The following CATSPERT variants were observed in gnomAD, a reference collection of about 807,000 sequenced individuals.
The protein encoded by CATSPERT is catsper channel auxiliary subunit tau, also known as cation channel sperm-associated targeting subunit tau.
chr2:201,582,024 A>C, the CATSPERT span: 9 of 1,546,446 alleles, frequency 5.8e-6, 1 homozygote, highest in Middle Eastern at 5.1e-4. Context: ...ATCAAGTATA[A>C]TAAATCACAA....
chr2:201,491,211 A>G, the CATSPERT span: 1 of 1,537,448 alleles, frequency 6.5e-7, no homozygotes, highest in Non-Finnish European at 8.7e-7. Context: ...GTGTCCTTGG[A>G]ACAGACTTCT....
the CATSPERT span, among the ~76,000 whole-genome samples, chr2:201,545,778 G>A: frequency 6.6e-6 from 1 of 151,964 alleles, no homozygotes; most frequent in Middle Eastern, 3.2e-3. Flanking sequence ...AAGGAGATGG[G>A]TTTGTGAGGA....
chr2:201,594,338 C>G, the CATSPERT span, among the ~76,000 whole-genome samples: 3 of 152,104 alleles, frequency 2.0e-5, no homozygotes, highest in Non-Finnish European at 4.4e-5. Context: ...GAGTTTCTGC[C>G]GAGAGATCCA....
chr2:201,534,971 C>T, the CATSPERT span: 1 of 369,824 alleles, frequency 2.7e-6, no homozygotes, highest in Non-Finnish European at 3.7e-6. Context: ...GATATATGTA[C>T]ATATGCATAA....
chr2:201,579,451 G>A, the CATSPERT span, among the ~76,000 whole-genome samples: 3 of 151,610 alleles, frequency 2.0e-5, no homozygotes, highest in Non-Finnish European at 2.9e-5. Flanking sequence ...TTGTTTTGCT[G>A]TTTTGTTTTG....
At chr2:201,543,551 G>A in the CATSPERT span, among the ~76,000 whole-genome samples, 1 of 152,030 alleles carries the variant, frequency 6.6e-6, no homozygotes, top group Non-Finnish European at 1.5e-5. Flanking sequence ...TTTTCAGAGT[G>A]CAAGGTCTTT....
chr2:201,602,990 T>C, the CATSPERT span, among the ~76,000 whole-genome samples: 1 of 152,166 alleles, frequency 6.6e-6, no homozygotes, highest in Non-Finnish European at 1.5e-5. Flanking sequence ...CTAAAGCAAC[T>C]AGACATGTAA....
At chr2:201,559,175 C>T in the CATSPERT span, among the ~76,000 whole-genome samples, 1 of 152,170 alleles carries the variant, frequency 6.6e-6, no homozygotes, top group South Asian at 2.1e-4. Flanking sequence ...TGGCCCTGTA[C>T]CCCCAATAAG....
chr2:201,520,453 AATCTT>A, the CATSPERT span, among the ~76,000 whole-genome samples: 1 of 152,242 alleles, frequency 6.6e-6, no homozygotes, highest in Non-Finnish European at 1.5e-5. Context: ...TCAAATTTGA[AATCTT>A]ATCTAGTCTC....
chr2:201,507,194 A>G, the CATSPERT span, among the ~76,000 whole-genome samples: 1 of 152,244 alleles, frequency 6.6e-6, no homozygotes, highest in South Asian at 2.1e-4. Context: ...AAATCAACAT[A>G]CAAATATATA....
the CATSPERT span, among the ~76,000 whole-genome samples, chr2:201,526,333 T>C: frequency 6.6e-6 from 1 of 151,712 alleles, no homozygotes; most frequent in African/African-American, 2.4e-5. Context: ...GCCTGGCCAA[T>C]ATGGTGAAAT....
the CATSPERT span, among the ~76,000 whole-genome samples, chr2:201,566,332 A>G: frequency 6.9e-6 from 1 of 145,040 alleles, no homozygotes; most frequent in African/African-American, 2.5e-5. Flanking sequence ...CATTAGGTAT[A>G]TCTCCTAATG....
the CATSPERT span, among the ~76,000 whole-genome samples, chr2:201,501,548 G>C: frequency 6.6e-6 from 1 of 151,858 alleles, no homozygotes; most frequent in Non-Finnish European, 1.5e-5. Context: ...ATAAAGATTA[G>C]AGTGGAGGTA....
chr2:201,596,656 T>C, the CATSPERT span, among the ~76,000 whole-genome samples: 2 of 152,322 alleles, frequency 1.3e-5, no homozygotes, highest in Admixed American at 6.5e-5. Flanking sequence ...ACCAGTTTCT[T>C]ACATTTTTCC....
chr2:201,575,165 G>A, the CATSPERT span: 2 of 798,270 alleles, frequency 2.5e-6, no homozygotes, highest in Admixed American at 3.0e-5. Flanking sequence ...TGACTGGTAT[G>A]GTAACTAAAA....
the CATSPERT span, chr2:201,493,017 T>A: frequency 6.5e-7 from 1 of 1,536,654 alleles, no homozygotes; most frequent in Non-Finnish European, 8.7e-7. Context: ...CTTCAAGGTG[T>A]TCTGTGTCAC....
the CATSPERT span, among the ~76,000 whole-genome samples, chr2:201,593,984 G>A: frequency 4.1e-3 from 628 of 151,588 alleles, 3 homozygotes; most frequent in African/African-American, 0.014. Flanking sequence ...TTACATTTAA[G>A]GTTAATATTG....
chr2:201,502,311 T>C, the CATSPERT span, among the ~76,000 whole-genome samples: 11 of 152,282 alleles, frequency 7.2e-5, no homozygotes, highest in South Asian at 1.0e-3. Flanking sequence ...CAGTGGCTCA[T>C]GCCTGTAATC....
At chr2:201,494,214 T>C in the CATSPERT span, 2 of 1,536,054 alleles carry the variant, frequency 1.3e-6, no homozygotes, top group East Asian at 4.9e-5. Context: ...TGCTTAGAAG[T>C]GGAGAACTAC....
Sources: allele counts gnomAD v4.1 joint callset (sites outside exome capture counted in the v4.1 genomes callset), GRCh38; gene constraint gnomAD v4.1.1; transcripts MANE v1.5; gene names NCBI Gene and HGNC (gene_info 2026-07-23, HGNC 2026-07-21).